Variants in DAGLB observed in about 807,000 individuals in gnomAD.
DAGLB encodes the protein diacylglycerol lipase beta.
Under a neutral mutation model 72.1 loss-of-function variants are expected in DAGLB, and 66 were observed. The ratio of observed to expected loss-of-function variants is 0.92; its 90% CI spans 0.75 to 1.12. DAGLB has a LOEUF of 1.12. DAGLB is among the 50% of genes most tolerant of loss of function. The probability of loss-of-function intolerance (pLI) is 0.00; values close to 1 mark genes in which losing one functional copy is unlikely to be tolerated. For synonymous variants in DAGLB, 414 were observed against 359.5 expected, an observed-to-expected ratio of 1.15 and a Z score of -1.71; for missense variants, 1,065 against 884.9, an observed-to-expected ratio of 1.20 and a Z score of -2.58.
chr7:6,423,540 C>T (rs1282850205), intron 8 of DAGLB, among the ~76,000 whole-genome samples: 1 of 152,100 alleles, frequency 6.6e-6, no homozygotes, highest in Non-Finnish European at 1.5e-5. Context: ...TCTCCTGCCT[C>T]AGCCTCCTGA....
intron 11 of DAGLB, 119 bp from the exon 12 acceptor site, chr7:6,413,153 C>T: frequency 9.2e-7 from 1 of 1,089,348 alleles, no homozygotes; most frequent in Non-Finnish European, 1.3e-6. Flanking sequence ...TCTGTTCTCT[C>T]TTCTCTAAAG....
chr7:6,409,670 G>C lies in DAGLB; in HGVS notation c.*167C>G. ...CTTCTGCTACCATTATGGCCACAATGACTTCCCATAAACTTAAGTCATTGA... is the reference window on the plus strand; with the variant it reads ...CTTCTGCTACCATTATGGCCACAATCACTTCCCATAAACTTAAGTCATTGA... On this transcript the variant is annotated 3_prime_UTR_variant, in exon 15 of 15. Coordinates refer to ENST00000297056, the MANE Select transcript of DAGLB (RefSeq NM_139179.4). 1.2e-6 allele frequency: 1 copy of C among 813,626 alleles called. No homozygotes were observed. The highest frequency in any genetic ancestry group is 1.9e-6 in the Non-Finnish European group (1 of 529,048). The allele number at this position is 813,626 out of a possible 1,614,324, so 50.4% of individuals were successfully genotyped here. A position where few individuals can be genotyped will look rare whatever the true frequency, so the allele number is the denominator to read the frequency against.
chr7:6,417,038 C>G (rs836508), intron 9 of DAGLB, 117 bp from the exon 10 acceptor site: 5 of 1,191,256 alleles, frequency 4.2e-6, no homozygotes, highest in Non-Finnish European at 6.0e-6. Flanking sequence ...GGATCTGAGA[C>G]TGCAGAATCA....
At chr7:6,410,468 GA>G in intron 13 of DAGLB, 88 bp from the exon 14 acceptor site, 1 of 1,508,002 alleles carries the variant, frequency 6.6e-7, no homozygotes, top group Non-Finnish European at 8.9e-7. Context: ...CCAGGCACAG[GA>G]ATCTGCCCTT....
Position 6,434,903 on chromosome 7 carries a change from G to C in DAGLB, c.537C>G (p.Ser179Arg). 1 of 1,614,178 alleles carries C rather than the reference G, an allele frequency of 6.2e-7. No homozygotes were observed. The highest frequency in any genetic ancestry group is 8.5e-7 in the Non-Finnish European group (1 of 1,180,048). The change falls in exon 4 of 15, where the codon AGC becomes AGG. Residue 179 changes from serine to arginine, a missense_variant. Physicochemically the swap from Ser to Arg is moderately radical, Grantham distance 110. Coordinates refer to ENST00000297056, the MANE Select transcript of DAGLB (RefSeq NM_139179.4). ...GPSHLDSHDS[S>R]QLLNGLKTAA... is the part of the protein sequence containing the mutation. The stretch of plus-strand genomic sequence containing the variant: ...CTGTCTTGAGGCCATTAAGTAACTG[G>C]CTTGAATCATGACTATCCAGGTGGC...
intron 11 of DAGLB, among the ~76,000 whole-genome samples, chr7:6,413,554 C>T (rs994644866): frequency 5.3e-5 from 8 of 151,534 alleles, no homozygotes; most frequent in Non-Finnish European, 1.2e-4. Flanking sequence ...GGCATGAACC[C>T]GGGAGGCGGA....
chr7:6,427,916 A>G (rs970521851), intron 6 of DAGLB, among the ~76,000 whole-genome samples: 1 of 152,264 alleles, frequency 6.6e-6, no homozygotes, highest in Non-Finnish European at 1.5e-5. Flanking sequence ...ACTTAATACA[A>G]AATAAACAGT....
At chr7:6,442,376 T>C (rs555216937) in intron 2 of DAGLB, among the ~76,000 whole-genome samples, 56 of 151,974 alleles carry the variant, frequency 3.7e-4, no homozygotes, top group African/African-American at 1.4e-3. Context: ...GGAGTGAATA[T>C]GAGCATCCCT....
intron 2 of DAGLB, among the ~76,000 whole-genome samples, chr7:6,439,603 A>G (rs936280845): frequency 5.3e-5 from 8 of 152,228 alleles, no homozygotes; most frequent in Non-Finnish European, 1.0e-4. Flanking sequence ...ACAAGGAGGC[A>G]TCCCACAATC....
rs539045898 is a variant in DAGLB, at chr7:6,432,783, A to T, written c.801+54T>A. On this transcript the variant is annotated intron_variant, in intron 5 of 14. Transcript: ENST00000297056. Reference sequence around the variant, plus strand: ...ATAGGTTAGCTGTATGATTCTGAAGACCCACCAAAAGGTGTAAGTGTCAGA... The same window carrying T: ...ATAGGTTAGCTGTATGATTCTGAAGTCCCACCAAAAGGTGTAAGTGTCAGA... 30 of 1,577,338 alleles carry T rather than the reference A, an allele frequency of 1.9e-5. No homozygotes were observed. The East Asian group carries it at 7.1e-4, about 37-fold the overall frequency.
intron 2 of DAGLB, among the ~76,000 whole-genome samples, chr7:6,443,964 T>C (rs1784915846): frequency 2.0e-5 from 3 of 152,038 alleles, no homozygotes; most frequent in African/African-American, 7.2e-5. Context: ...GTAACACATA[T>C]AAAAAATATG....
Position 6,410,417 on chromosome 7 carries a change from C to T in DAGLB, c.1570-37G>A, listed in dbSNP as rs10265923. On this transcript the variant is annotated intron_variant, in intron 13 of 14. Transcript: ENST00000297056. ...ACCCAATCAGTAGAATGCTGTCACT[C>T]ACCCTCTGTCACCCGAGACCTCCCG... 1.6e-3 allele frequency: 2,522 copies of T among 1,555,608 alleles called. 43 individuals carry two copies. In the African/African-American group the frequency reaches 0.031, roughly 19 times the overall value.
rs1784607142 is a variant in DAGLB, at chr7:6,434,940, G to GAGGA, written c.496_499dup (p.Ser167PhefsTer10). 1.2e-6 allele frequency: 2 copies of GAGGA among 1,614,186 alleles called. No individual in the cohort carries two copies. The highest frequency in any genetic ancestry group is 1.7e-6 in the Non-Finnish European group (2 of 1,180,034). On this transcript the variant is annotated frameshift_variant, in exon 4 of 15. Coordinates refer to ENST00000297056, the MANE Select transcript of DAGLB (RefSeq NM_139179.4). LOFTEE classifies it high-confidence loss of function. ...ACTATCCAGGTGGCTGGGGCCGGCA[G>GAGGA]AGGAATATGGAGCCATTTTCCCCCC...
intron 7 of DAGLB, among the ~76,000 whole-genome samples, 182 bp downstream of exon 7, chr7:6,425,806 T>C (rs1784292638): frequency 6.6e-6 from 1 of 152,232 alleles, no homozygotes; most frequent in Non-Finnish European, 1.5e-5. Flanking sequence ...GTTCTGAACC[T>C]GCACCAGGGC....
intron 9 of DAGLB, among the ~76,000 whole-genome samples, chr7:6,418,213 G>C (rs906067803): frequency 6.6e-6 from 1 of 151,740 alleles, no homozygotes; most frequent in African/African-American, 2.4e-5. Flanking sequence ...TCTGAAACAG[G>C]CTTCTTGAAA....
At chr7:6,440,925 T>G (rs879526327) in intron 2 of DAGLB, among the ~76,000 whole-genome samples, 17 of 152,106 alleles carry the variant, frequency 1.1e-4, no homozygotes, top group Admixed American at 1.1e-3. Flanking sequence ...TTCATGTTCT[T>G]TGCCCATTTT....
At chr7:6,432,736 A>G in intron 5 of DAGLB, 101 bp downstream of exon 5, 1 of 1,375,942 alleles carries the variant, frequency 7.3e-7, no homozygotes, top group South Asian at 1.6e-5. Flanking sequence ...AGGGGAATGA[A>G]GGAAGGGAGG....
At chr7:6,413,147 TTC>T in intron 11 of DAGLB, 113 bp from the exon 12 acceptor site, 2 of 1,103,334 alleles carry the variant, frequency 1.8e-6, no homozygotes, top group East Asian at 2.6e-5. Context: ...CTCAGCTCTG[TTC>T]TCTCTTCTCT....
intron 9 of DAGLB, among the ~76,000 whole-genome samples, chr7:6,420,439 CAA>C (rs113610940): frequency 2.2e-5 from 3 of 138,248 alleles, no homozygotes; most frequent in East Asian, 2.1e-4. Context: ...GACTCCATCT[CAA>C]AAAAAAAAAA....
Sources: gnomAD v4.1 joint callset for allele counts (sites outside exome capture counted in the v4.1 genomes callset) on GRCh38, gnomAD v4.1.1 for gene constraint, MANE v1.5 for transcripts, NCBI Gene and HGNC (gene_info 2026-07-23, HGNC 2026-07-21) for gene names.